CRYBG3: variants seen among roughly 807,000 people sequenced by gnomAD.
CRYBG3 encodes the protein crystallin beta-gamma domain containing 3, also known as very large A-kinase anchor protein.
CRYBG3 carries 127 observed loss-of-function variants against 244.2 expected under a neutral mutation model. That is an observed-to-expected ratio of 0.52 (90% CI 0.45 to 0.60). The LOEUF (loss-of-function observed/expected upper bound fraction) is 0.60, where lower values mean the gene tolerates loss of function less well. Among genes scored for constraint, CRYBG3 ranks in the 20% least tolerant of loss-of-function variants. CRYBG3 has a pLI of 0.00. For missense variants in CRYBG3, 3,325 were observed against 3,442.5 expected (o/e 0.97, Z 0.85); for synonymous variants, 1,132 against 1,195.8 (o/e 0.95, Z 1.10).
chr3:97,839,250 G>A (rs2038779206), intron 1 of CRYBG3, among the ~76,000 whole-genome samples: 1 of 151,900 alleles, frequency 6.6e-6, no homozygotes, highest in African/African-American at 2.4e-5. Flanking sequence ...TCTTTCCTTG[G>A]TATTTATTTT....
intron 7 of CRYBG3, among the ~76,000 whole-genome samples, chr3:97,881,504 T>C (rs967994840): frequency 6.6e-6 from 1 of 151,648 alleles, no homozygotes; most frequent in Non-Finnish European, 1.5e-5. Context: ...TGACCTAAGA[T>C]TGGGAGTTCG....
intron 12 of CRYBG3, among the ~76,000 whole-genome samples, chr3:97,897,911 G>C (rs2039657476): frequency 6.6e-6 from 1 of 152,052 alleles, no homozygotes; most frequent in South Asian, 2.1e-4. Context: ...GGAACTTTTA[G>C]ATCTTTCTTT....
Position 97,843,211 on chromosome 3 carries a change from A to G in CRYBG3, c.166A>G (p.Met56Val). Residue 56 changes from methionine (M) to valine (V), a missense_variant, in exon 2 of 22, where the codon ATG (methionine) becomes GTG (valine). Physicochemically the swap from Met to Val is conservative, Grantham distance 21. Around this residue, in one of 4 missense-constraint regions of CRYBG3, gnomAD observed 1,526 missense variants for 1,443.2 expected, o/e 1.06. Transcript: ENST00000389622. ...ATTTTTCAGTGTTGAAAATGAGCCC[A>G]TGAGCACAAGTCAGAAAAAGGAAAA... ...RSAASVENEPMSTSQKKENVL... is the reference protein window; with the variant it reads ...RSAASVENEPVSTSQKKENVL... The G allele has an allele frequency of 6.6e-7, 1 of 1,522,902 alleles. No individual in the cohort carries two copies. Among genetic ancestry groups the G allele is most frequent in the Non-Finnish European group, 8.8e-7 (1 of 1,138,672 alleles). 94.3% of individuals were successfully genotyped at this position (1,522,902 alleles called of 1,614,324 possible).
intron 1 of CRYBG3, among the ~76,000 whole-genome samples, chr3:97,823,325 C>T (rs1333066374): frequency 1.3e-5 from 2 of 152,100 alleles, no homozygotes; most frequent in Non-Finnish European, 2.9e-5. Context: ...GTGTTTACTT[C>T]GGACTCAAGA....
intron 2 of CRYBG3, among the ~76,000 whole-genome samples, chr3:97,852,657 T>C (rs773576724): frequency 6.6e-6 from 1 of 152,222 alleles, no homozygotes; most frequent in Non-Finnish European, 1.5e-5. Context: ...AGATATCTCT[T>C]TGACATACTG....
chr3:97,848,307 T>C (rs2038931818), intron 2 of CRYBG3, among the ~76,000 whole-genome samples: 1 of 152,142 alleles, frequency 6.6e-6, no homozygotes, highest in African/African-American at 2.4e-5. Flanking sequence ...TGTTTGTTGT[T>C]GTTTTTTTGA....
intron 2 of CRYBG3, among the ~76,000 whole-genome samples, chr3:97,848,880 A>G (rs1207793296): frequency 1.3e-5 from 2 of 152,254 alleles, no homozygotes; most frequent in African/African-American, 4.8e-5. Flanking sequence ...AATAGATTAC[A>G]GCACAGTTTT....
At chr3:97,913,498 G>A (rs1272996698) in intron 16 of CRYBG3, among the ~76,000 whole-genome samples, 3 of 152,258 alleles carry the variant, frequency 2.0e-5, no homozygotes, top group Non-Finnish European at 2.9e-5. Flanking sequence ...GCACAGCTGC[G>A]TTCCAATGAA....
chr3:97,896,070 C>G lies in CRYBG3; in HGVS notation c.7686C>G (p.Phe2562Leu). 6.2e-7 allele frequency: 1 copy of G among 1,610,626 alleles called. No homozygotes were observed. The highest frequency in any genetic ancestry group is 8.5e-7 in the Non-Finnish European group (1 of 1,178,564). The change falls in exon 12 of 22, where the codon TTC becomes TTG. Residue 2562 changes from phenylalanine (F) to leucine (L), a missense_variant. Phe to Leu is a conservative substitution (Grantham distance 22, BLOSUM62 0). Transcript: ENST00000389622. Reference sequence around the variant, plus strand: ...CATTAAGTAGCCCTATCTTGTCTTTCCGGTACTTACAAGCTGTGAGTTAGC... The same window carrying G: ...CATTAAGTAGCCCTATCTTGTCTTTGCGGTACTTACAAGCTGTGAGTTAGC... Reference protein sequence around the residue: ...CGALSSPILSFRYLQANFIES... With the variant: ...CGALSSPILSLRYLQANFIES...
intron 8 of CRYBG3, 87 bp from the exon 9 acceptor site, chr3:97,888,254 T>A (rs2039532413): frequency 1.3e-6 from 1 of 747,976 alleles, no homozygotes; most frequent in Non-Finnish European, 2.2e-6. Context: ...GAGGATTTTG[T>A]TTTTTTATTT....
At chr3:97,863,518 A>G (rs2039180697) in intron 2 of CRYBG3, among the ~76,000 whole-genome samples, 1 of 152,068 alleles carries the variant, frequency 6.6e-6, no homozygotes, top group Admixed American at 6.6e-5. Flanking sequence ...CTGTTTTACC[A>G]GGAAGGGGTC....
chr3:97,921,249 T>C (rs1285490841), intron 17 of CRYBG3, among the ~76,000 whole-genome samples: 1 of 152,160 alleles, frequency 6.6e-6, no homozygotes, highest in Non-Finnish European at 1.5e-5. Context: ...AAAGTGACTT[T>C]TGTCTGCCTT....
At chr3:97,918,842 G>A (rs529405610) in intron 17 of CRYBG3, among the ~76,000 whole-genome samples, 9 of 152,216 alleles carry the variant, frequency 5.9e-5, no homozygotes, top group African/African-American at 2.2e-4. Context: ...GAGGGAGCAA[G>A]GTCACAATCA....
chr3:97,857,266 G>A (rs892995780), intron 2 of CRYBG3, among the ~76,000 whole-genome samples: 22 of 152,046 alleles, frequency 1.4e-4, no homozygotes, highest in African/African-American at 5.3e-4. Context: ...TAAAAAATAT[G>A]TTGAGACTTA....
intron 15 of CRYBG3, among the ~76,000 whole-genome samples, chr3:97,907,158 T>C (rs1210865771): frequency 2.0e-5 from 3 of 152,206 alleles, no homozygotes. Flanking sequence ...CAGTATTTTA[T>C]TGAGGATTTT....
In CRYBG3 at chr3:97,872,357, A is replaced by G. The variant is rs1559726762; in HGVS notation, c.1163A>G (p.Asn388Ser). 6.5e-7 allele frequency: 1 copy of G among 1,535,980 alleles called. No individual in the cohort carries two copies. The highest frequency in any genetic ancestry group is 8.7e-7 in the Non-Finnish European group (1 of 1,146,828). ...TGTTCAGCATTGTTAACAGGAAGTA[A>G]CCATCGCAAAGTCCCTTGCAGCCCA... is the stretch of plus-strand genomic sequence containing the variant. ...LVCSALLTGS[N>S]HRKVPCSPDF... The change falls in exon 4 of 22, where the codon AAC becomes AGC. Residue 388 changes from asparagine to serine, a missense_variant. Coordinates refer to ENST00000389622, the MANE Select transcript of CRYBG3 (RefSeq NM_153605.4).
Position 97,873,078 on chromosome 3 carries a change from G to A in CRYBG3, c.1884G>A (p.Glu628=), listed in dbSNP as rs1399612497. ...TTTCAGAAACTCCTCTTGACTCTGA[G>A]AGTCCTCAACAAGCTGAAGTATCAC... ...SHISETPLDS[E]SPQQAEVSPD... is the part of the protein sequence containing the mutation. Residue 628 remains glutamate, a synonymous_variant, in exon 4 of 22, where the codon GAG becomes GAA. Coordinates refer to ENST00000389622, the MANE Select transcript of CRYBG3 (RefSeq NM_153605.4). 1 of 1,534,762 alleles carries A rather than the reference G, an allele frequency of 6.5e-7. No individual in the cohort carries two copies. The highest frequency in any genetic ancestry group is 1.4e-5 in the African/African-American group (1 of 72,964).
intron 15 of CRYBG3, among the ~76,000 whole-genome samples, chr3:97,902,664 T>G (rs906698084): frequency 6.6e-6 from 1 of 152,090 alleles, no homozygotes; most frequent in Non-Finnish European, 1.5e-5. Flanking sequence ...TGCCCATATG[T>G]TCTCAATGTT....
At chr3:97,918,432 T>C (rs190606911) in intron 17 of CRYBG3, among the ~76,000 whole-genome samples, 80 of 152,262 alleles carry the variant, frequency 5.3e-4, no homozygotes, top group Admixed American at 2.0e-3. Flanking sequence ...CTTAAGCAAA[T>C]CTCTTAATTT....
Sources: gnomAD v4.1 joint callset for allele counts (sites outside exome capture counted in the v4.1 genomes callset) on GRCh38, gnomAD v4.1.1 for gene constraint, gnomAD v4.1.1 regional missense constraint, MANE v1.5 for transcripts, NCBI Gene and HGNC (gene_info 2026-07-23, HGNC 2026-07-21) for gene names.